CACNG2: variants seen among roughly 807,000 people sequenced by gnomAD.
The protein encoded by CACNG2 is calcium voltage-gated channel auxiliary subunit gamma 2.
A neutral mutation model predicts 25.9 loss-of-function variants in CACNG2; 3 were observed. The observed-to-expected ratio is 0.12, with a 90% CI of 0.05 to 0.30. The LOEUF (loss-of-function observed/expected upper bound fraction) is 0.30, where lower values mean the gene tolerates loss of function less well. Among genes scored for constraint, CACNG2 ranks in the 10% least tolerant of loss-of-function variants. The pLI, the probability that CACNG2 is intolerant of heterozygous loss-of-function variation, is 1.00. For missense variants in CACNG2, 341 were observed against 432.5 expected, an observed-to-expected ratio of 0.79 and a Z score of 1.88; for synonymous variants, 167 against 173.3, an observed-to-expected ratio of 0.96 and a Z score of 0.29.
intron 1 of CACNG2, among the ~76,000 whole-genome samples, chr22:36,686,664 G>C (rs961296718): frequency 2.8e-4 from 42 of 152,326 alleles, no homozygotes; most frequent in East Asian, 3.9e-4. Context: ...CTACGTGCCA[G>C]GCACCGTGTC....
At chr22:36,671,306 A>G (rs1202499148) in intron 1 of CACNG2, among the ~76,000 whole-genome samples, 1 of 152,238 alleles carries the variant, frequency 6.6e-6, no homozygotes, top group Non-Finnish European at 1.5e-5. Context: ...GGTCAGGAAT[A>G]AATAAGTAAA....
rs5845278 is a variant in CACNG2 at position 36,627,642 on chromosome 22, A to ATTT, written c.212-40097_212-40095dup. ...AAAGCAGTTAGCATGAATGACTTTG[A>ATTT]TTTTTTTTTTTTTTTTTTTAAAGAA... On this transcript the variant is annotated intron_variant, in intron 1 of 3. Transcript: ENST00000300105. 6.4e-4 allele frequency among the ~76,000 whole-genome samples: 91 copies of ATTT among 141,332 alleles called. 1 individual carries two copies. Among genetic ancestry groups the ATTT allele is most frequent in the Middle Eastern group, 3.7e-3 (1 of 270 alleles). 92.7% of individuals were successfully genotyped at this position (141,332 alleles called of 152,430 possible).
At chr22:36,694,023 T>A in intron 1 of CACNG2, among the ~76,000 whole-genome samples, 1 of 152,150 alleles carries the variant, frequency 6.6e-6, no homozygotes, top group Non-Finnish European at 1.5e-5. Flanking sequence ...AGAGCAACCA[T>A]CACCCTTTTC....
chr22:36,665,039 A>G (rs754840374), intron 1 of CACNG2, among the ~76,000 whole-genome samples: 45 of 152,208 alleles, frequency 3.0e-4, no homozygotes, highest in South Asian at 1.2e-3. Flanking sequence ...TGGAGGAGAG[A>G]GGCTGACAGG....
chr22:36,567,628 C>T (rs371806653), intron 2 of CACNG2, among the ~76,000 whole-genome samples: 57 of 127,088 alleles, frequency 4.5e-4, no homozygotes, highest in African/African-American at 1.5e-3. Context: ...GGGCAGAGGT[C>T]GGGGCTACAT....
At position 36,564,975 on chromosome 22, in the gene CACNG2, G is replaced by T; in HGVS notation, c.437-89C>A. 8.1e-7 allele frequency: 1 copy of T among 1,239,362 alleles called. No homozygotes were observed. Among genetic ancestry groups the T allele is most frequent in the East Asian group, 2.3e-5 (1 of 43,264 alleles). 76.8% of individuals were successfully genotyped at this position (1,239,362 alleles called of 1,614,324 possible). A position where few individuals can be genotyped will look rare whatever the true frequency, so the allele number is the denominator to read the frequency against. On this transcript the variant is annotated intron_variant, in intron 3 of 3. Coordinates refer to ENST00000300105, the MANE Select transcript of CACNG2 (RefSeq NM_006078.5). The surrounding 1 kb of genome is among the most constrained non-coding windows in gnomAD (Gnocchi z 6.7). ...GGCCACAGGGCAGCCGTAAAGGACG[G>T]GGACAGCTGTGTGGGCCTTCCCCGG...
At position 36,562,708 on chromosome 22, in the gene CACNG2, C is replaced by T. The variant is rs936151246; in HGVS notation, c.*1643G>A. ...TGACTGCAGTGCTGGGCTAAGTGGACTGTGTATGTGTGTGTGAACGTGCCT... is the reference window on the plus strand; with the variant it reads ...TGACTGCAGTGCTGGGCTAAGTGGATTGTGTATGTGTGTGTGAACGTGCCT... On this transcript the variant is annotated 3_prime_UTR_variant, in exon 4 of 4. Coordinates refer to ENST00000300105, the MANE Select transcript of CACNG2 (RefSeq NM_006078.5). The T allele has an allele frequency of 2.6e-5, 4 of 151,862 alleles. No individual in the cohort carries two copies. The highest frequency in any genetic ancestry group is 1.9e-4 in the East Asian group (1 of 5,140). The allele number at this position is 151,862 out of a possible 1,614,324, so 9.4% of individuals were successfully genotyped here.
chr22:36,628,182 A>T (rs1936213228), intron 1 of CACNG2, among the ~76,000 whole-genome samples: 1 of 152,204 alleles, frequency 6.6e-6, no homozygotes, highest in Admixed American at 6.5e-5. Context: ...TGCTTATACA[A>T]TCAGAGAATA....
chr22:36,643,136 C>T (rs1314636921), intron 1 of CACNG2, among the ~76,000 whole-genome samples: 1 of 148,232 alleles, frequency 6.7e-6, no homozygotes, highest in African/African-American at 2.5e-5. Context: ...CTCTTTCTCT[C>T]TCTCTCCTTC....
chr22:36,697,053 A>G (rs1937350915), intron 1 of CACNG2, among the ~76,000 whole-genome samples: 1 of 152,352 alleles, frequency 6.6e-6, no homozygotes, highest in Middle Eastern at 3.4e-3. Context: ...GCTTGAAAAC[A>G]TAAACCCATG....
At chr22:36,618,736 T>C (rs962913228) in intron 1 of CACNG2, among the ~76,000 whole-genome samples, 10 of 151,984 alleles carry the variant, frequency 6.6e-5, no homozygotes, top group Non-Finnish European at 1.3e-4. Flanking sequence ...CTGGTTAACA[T>C]GGTGAAACCC....
At position 36,564,924 on chromosome 22, in the gene CACNG2, G is replaced by A; in HGVS notation, c.437-38C>T. On this transcript the variant is annotated intron_variant, in intron 3 of 3. Transcript: ENST00000300105. The surrounding 1 kb of genome is among the most constrained non-coding windows in gnomAD (Gnocchi z 6.7). ...GGGTGGCGGGGTGGGGGATCAGAGA[G>A]AAGGACGTTAGTTTCTCAGGAAGTC... The A allele has an allele frequency of 1.3e-6, 2 of 1,586,318 alleles. No individual in the cohort carries two copies. The highest frequency in any genetic ancestry group is 8.6e-7 in the Non-Finnish European group (1 of 1,164,592).
chr22:36,640,373 T>C (rs1314988906), intron 1 of CACNG2, among the ~76,000 whole-genome samples: 1 of 152,210 alleles, frequency 6.6e-6, no homozygotes, highest in Non-Finnish European at 1.5e-5. Context: ...AGAAAAATCC[T>C]CAGCCTCCAA....
chr22:36,609,391 G>GC (rs1935893247), intron 1 of CACNG2, among the ~76,000 whole-genome samples: 5 of 77,260 alleles, frequency 6.5e-5, no homozygotes, highest in Admixed American at 1.5e-4. Flanking sequence ...GCAGGAATCA[G>GC]CCCCCCAGAG....
intron 1 of CACNG2, among the ~76,000 whole-genome samples, chr22:36,674,337 C>A (rs982714050): frequency 7.3e-5 from 11 of 151,428 alleles, no homozygotes; most frequent in African/African-American, 2.7e-4. Context: ...TTTTTGCTTG[C>A]TTTTTTTTTG....
chr22:36,687,863 G>A (rs1312810216), intron 1 of CACNG2, among the ~76,000 whole-genome samples: 2 of 152,138 alleles, frequency 1.3e-5, no homozygotes, highest in Admixed American at 6.5e-5. Flanking sequence ...GCCTGTAGGA[G>A]CTAGAAATGG....
intron 1 of CACNG2, among the ~76,000 whole-genome samples, chr22:36,631,456 C>A (rs1936269698): frequency 6.6e-6 from 1 of 152,150 alleles, no homozygotes; most frequent in African/African-American, 2.4e-5. Context: ...CCCACCCTAG[C>A]CCCAGGATGG....
rs116121467 is a variant in CACNG2 at position 36,640,583 on chromosome 22, C to T, written c.212-53035G>A. ...TACCCTTTCTGCATCTCGGTTTCCT[C>T]ACCTGCAGGACGGGAACCATAAGAC... On this transcript the variant is annotated intron_variant, in intron 1 of 3. Transcript: ENST00000300105. Among the ~76,000 whole-genome samples the T allele has an allele frequency of 2.8e-3, 428 of 152,328 alleles. 3 individuals carry two copies. Among genetic ancestry groups the T allele is most frequent in the African/African-American group, 9.6e-3 (401 of 41,578 alleles).
chr22:36,572,649 C>T (rs1247385625), intron 2 of CACNG2, among the ~76,000 whole-genome samples: 2 of 151,294 alleles, frequency 1.3e-5, no homozygotes, highest in African/African-American at 4.9e-5. Context: ...TTGCAGTGAG[C>T]TGAGATCAAG....
Sources: gnomAD v4.1 joint callset for allele counts (sites outside exome capture counted in the v4.1 genomes callset) on GRCh38, gnomAD v4.1.1 for gene constraint, Gnocchi (gnomAD v3.1) non-coding constraint, MANE v1.5 for transcripts, NCBI Gene and HGNC (gene_info 2026-07-23, HGNC 2026-07-21) for gene names.